The following DRC11 variants were observed in gnomAD, a reference collection of about 807,000 sequenced individuals.
DRC11 encodes the protein IQ and AAA domain-containing protein 1.
At chr2:236,376,817 T>C in the DRC11 span, among the ~76,000 whole-genome samples, 233 of 152,274 alleles carry the variant, frequency 1.5e-3, no homozygotes, top group Middle Eastern at 3.4e-3. This position sits in a 1 kb window ranked among gnomAD's most constrained non-coding sequence, Gnocchi z 5.7. Context: ...TAAATCAGAT[T>C]ATGCCAGAAA....
chr2:236,323,697 C>G, the DRC11 span, among the ~76,000 whole-genome samples: 1 of 152,152 alleles, frequency 6.6e-6, no homozygotes, highest in Non-Finnish European at 1.5e-5. The surrounding 1 kb of genome is among the most constrained non-coding windows in gnomAD (Gnocchi z 6.4). Flanking sequence ...TGTGGTCTAA[C>G]CCCAAACTGT....
the DRC11 span, among the ~76,000 whole-genome samples, chr2:236,415,716 G>A: frequency 1.5e-4 from 23 of 152,178 alleles, no homozygotes; most frequent in Admixed American, 2.0e-4. The surrounding 1 kb of genome is among the most constrained non-coding windows in gnomAD (Gnocchi z 5.7). Context: ...ACTGTTCATC[G>A]TTAAGTGACT....
At chr2:236,494,329 A>T in the DRC11 span, among the ~76,000 whole-genome samples, 3 of 152,176 alleles carry the variant, frequency 2.0e-5, no homozygotes, top group South Asian at 6.2e-4. The surrounding 1 kb of genome is among the most constrained non-coding windows in gnomAD (Gnocchi z 4.2). Context: ...TTTTTCTAGT[A>T]ATTTGGTTTT....
At chr2:236,340,323 C>T in the DRC11 span, among the ~76,000 whole-genome samples, 1 of 152,172 alleles carries the variant, frequency 6.6e-6, no homozygotes, top group African/African-American at 2.4e-5. Context: ...CAAGGTTTGC[C>T]ATGTTGGCCA....
the DRC11 span, among the ~76,000 whole-genome samples, chr2:236,382,062 C>A: frequency 1.3e-5 from 2 of 152,098 alleles, no homozygotes; most frequent in Admixed American, 1.3e-4. Flanking sequence ...CCCCCAAAGT[C>A]TTCTCTTTTT....
At chr2:236,431,607 T>A in the DRC11 span, among the ~76,000 whole-genome samples, 2 of 152,196 alleles carry the variant, frequency 1.3e-5, no homozygotes, top group African/African-American at 4.8e-5. This position sits in a 1 kb window ranked among gnomAD's most constrained non-coding sequence, Gnocchi z 4.2. Flanking sequence ...ACTAATCTAC[T>A]TTCTGTGTCT....
chr2:236,430,640 T>C, the DRC11 span, among the ~76,000 whole-genome samples: 1 of 152,230 alleles, frequency 6.6e-6, no homozygotes, highest in Non-Finnish European at 1.5e-5. The surrounding 1 kb of genome is among the most constrained non-coding windows in gnomAD (Gnocchi z 6.0). Context: ...CATGAATAAA[T>C]GCATGCAAAT....
the DRC11 span, among the ~76,000 whole-genome samples, chr2:236,403,428 T>G: frequency 1.3e-5 from 2 of 150,522 alleles, no homozygotes; most frequent in Admixed American, 1.3e-4. Context: ...GAGCTTGGAG[T>G]TGGCTTATGA....
chr2:236,351,593 T>C, the DRC11 span, among the ~76,000 whole-genome samples: 2 of 152,316 alleles, frequency 1.3e-5, no homozygotes, highest in South Asian at 4.1e-4. This position sits in a 1 kb window ranked among gnomAD's most constrained non-coding sequence, Gnocchi z 7.3. Flanking sequence ...ATTTTGATCC[T>C]TTTTATGTTA....
chr2:236,438,927 C>T, the DRC11 span, among the ~76,000 whole-genome samples: 1 of 150,194 alleles, frequency 6.7e-6, no homozygotes, highest in Admixed American at 6.7e-5. Flanking sequence ...CTCAAAACCG[C>T]TCAACTACAT....
the DRC11 span, among the ~76,000 whole-genome samples, chr2:236,462,186 T>G: frequency 2.3e-3 from 351 of 152,216 alleles, no homozygotes; most frequent in Non-Finnish European, 3.9e-3. The surrounding 1 kb of genome is among the most constrained non-coding windows in gnomAD (Gnocchi z 6.4). Flanking sequence ...GATAGGCCCC[T>G]GAGACCTGGG....
At chr2:236,494,765 C>A in the DRC11 span, among the ~76,000 whole-genome samples, 3 of 152,096 alleles carry the variant, frequency 2.0e-5, no homozygotes, top group African/African-American at 7.2e-5. The surrounding 1 kb of genome is among the most constrained non-coding windows in gnomAD (Gnocchi z 4.2). Flanking sequence ...ATTTTTAGGA[C>A]CTGGTGGGAC....
chr2:236,388,519 C>T, the DRC11 span, among the ~76,000 whole-genome samples: 1 of 151,798 alleles, frequency 6.6e-6, no homozygotes, highest in African/African-American at 2.4e-5. Flanking sequence ...CCATCAGCTC[C>T]TTTAAGCACT....
At chr2:236,423,045 T>C in the DRC11 span, among the ~76,000 whole-genome samples, 2 of 150,746 alleles carry the variant, frequency 1.3e-5, no homozygotes, top group Non-Finnish European at 3.0e-5. Flanking sequence ...TATACAAAAA[T>C]CAATTCAAGA....
At chr2:236,313,498 G>A in the DRC11 span, among the ~76,000 whole-genome samples, 1 of 152,190 alleles carries the variant, frequency 6.6e-6, no homozygotes, top group African/African-American at 2.4e-5. The surrounding 1 kb of genome is among the most constrained non-coding windows in gnomAD (Gnocchi z 4.5). Flanking sequence ...TGGTTTGACA[G>A]TCTTGACAGT....
At chr2:236,310,111 G>T in the DRC11 span, among the ~76,000 whole-genome samples, 1 of 152,184 alleles carries the variant, frequency 6.6e-6, no homozygotes, top group African/African-American at 2.4e-5. This position sits in a 1 kb window ranked among gnomAD's most constrained non-coding sequence, Gnocchi z 5.5. Context: ...CAAGGTCACT[G>T]CTAAGCCTAG....
At chr2:236,386,271 G>A in the DRC11 span, among the ~76,000 whole-genome samples, 371 of 151,194 alleles carry the variant, frequency 2.5e-3, 1 homozygote, top group African/African-American at 8.4e-3. Flanking sequence ...GGTAGAATTC[G>A]GCTGTGAATC....
chr2:236,487,047 T>C, the DRC11 span: 1 of 626,128 alleles, frequency 1.6e-6, no homozygotes. Flanking sequence ...TGGAATATTT[T>C]TTCTTCTGTG....
At chr2:236,474,653 T>C in the DRC11 span, among the ~76,000 whole-genome samples, 27,440 of 152,132 alleles carry the variant, frequency 0.18, 2,833 homozygotes, top group Middle Eastern at 0.27. Flanking sequence ...CAATTGTTTT[T>C]ATCATTACAT....
Sources: allele counts gnomAD v4.1 joint callset (sites outside exome capture counted in the v4.1 genomes callset), GRCh38; gene constraint gnomAD v4.1.1; non-coding constraint Gnocchi (gnomAD v3.1); transcripts MANE v1.5; gene names NCBI Gene and HGNC (gene_info 2026-07-23, HGNC 2026-07-21).